The following FAM185A variants were observed in gnomAD, a reference collection of about 807,000 sequenced individuals.
The protein encoded by FAM185A is protein FAM185A.
In FAM185A, 21 loss-of-function variants were observed where a neutral mutation model predicts 45.7. The ratio of observed to expected loss-of-function variants is 0.46; its 90% CI spans 0.33 to 0.66. The LOEUF (loss-of-function observed/expected upper bound fraction) is 0.66, where lower values mean the gene tolerates loss of function less well. FAM185A is among the 30% of genes least tolerant of loss of function. The pLI, the probability that FAM185A is intolerant of heterozygous loss-of-function variation, is 0.03. For synonymous variants in FAM185A, 117 were observed against 194.0 expected (o/e 0.60, Z 3.30); for missense variants, 305 against 485.4 (o/e 0.63, Z 3.49).
intron 4 of FAM185A, among the ~76,000 whole-genome samples, chr7:102,769,726 G>C (rs1164633114): frequency 1.3e-5 from 2 of 151,948 alleles, no homozygotes; most frequent in Non-Finnish European, 2.9e-5. Flanking sequence ...CTGAGGTCTA[G>C]GAGCCGCATC....
the FAM185A span, among the ~76,000 whole-genome samples, chr7:102,835,236 T>C: frequency 6.6e-6 from 1 of 152,188 alleles, no homozygotes; most frequent in African/African-American, 2.4e-5. Context: ...GTCTGTCTTG[T>C]CTGGCAACTA....
chr7:102,833,601 T>TC, the FAM185A span, among the ~76,000 whole-genome samples: 1 of 151,618 alleles, frequency 6.6e-6, no homozygotes, highest in Non-Finnish European at 1.5e-5. Flanking sequence ...TAATTCTTTT[T>TC]TTTTTTTTTT....
chr7:102,752,006 A>G, intron 2 of FAM185A, among the ~76,000 whole-genome samples: 1 of 151,750 alleles, frequency 6.6e-6, no homozygotes, highest in East Asian at 1.9e-4. Flanking sequence ...TTTGCCTCAA[A>G]TTTCTTTTGG....
chr7:102,806,815 GGA>G, intron 7 of FAM185A, among the ~76,000 whole-genome samples: 1 of 152,296 alleles, frequency 6.6e-6, no homozygotes, highest in East Asian at 1.9e-4. Context: ...TGCAGGGCAG[GGA>G]GAGGTCGCAC....
Position 102,749,024 on chromosome 7 carries a change from C to G in FAM185A, c.-184C>G, listed in dbSNP as rs1357445745. The G allele has an allele frequency of 2.1e-6, 2 of 942,694 alleles. No individual in the cohort carries two copies. The highest frequency in any genetic ancestry group is 2.8e-5 in the South Asian group (2 of 71,314). 58.4% of individuals were successfully genotyped at this position (942,694 alleles called of 1,614,324 possible). A position where few individuals can be genotyped will look rare whatever the true frequency, so the allele number is the denominator to read the frequency against. On this transcript the variant is annotated 5_prime_UTR_variant, in exon 1 of 8. Coordinates refer to ENST00000413034, the MANE Select transcript of FAM185A (RefSeq NM_001145268.2). ...AGAGCTTTCAAATCCCAACTTGCCC[C>G]TGGGGATTGCGCGGCTGATGTTTAG...
At chr7:102,771,884 T>C (rs1476105019) in intron 4 of FAM185A, among the ~76,000 whole-genome samples, 2 of 152,196 alleles carry the variant, frequency 1.3e-5, no homozygotes, top group Non-Finnish European at 2.9e-5. Flanking sequence ...TGTTCTGTTT[T>C]GTTAGTCATA....
chr7:102,796,650 G>T (rs1486876574), intron 7 of FAM185A, among the ~76,000 whole-genome samples: 1 of 152,176 alleles, frequency 6.6e-6, no homozygotes, highest in Non-Finnish European at 1.5e-5. Flanking sequence ...TTTTGCAGAG[G>T]TGGTTTCAAT....
chr7:102,807,498 A>G (rs1425255587), intron 7 of FAM185A, among the ~76,000 whole-genome samples: 1 of 152,164 alleles, frequency 6.6e-6, no homozygotes, highest in Non-Finnish European at 1.5e-5. Context: ...TTTGGATGTC[A>G]GATCTTCAGA....
At position 102,749,320 on chromosome 7, in the gene FAM185A, C is replaced by G; in HGVS notation, c.113C>G (p.Pro38Arg). The G allele has an allele frequency of 2.3e-5, 35 of 1,549,688 alleles. No homozygotes were observed. Among genetic ancestry groups the G allele is most frequent in the Non-Finnish European group, 3.1e-5 (35 of 1,146,752 alleles). ...GCTTGCTGGGCTTGCCAAGCCAGGC[C>G]GTACAGCTCAGGTGGGAGCGAGCGC... The part of the protein sequence containing the change: ...RWACWACQAR[P>R]YSSGGSERWP... The change falls in exon 1 of 8, where the codon CCG (proline) becomes CGG (arginine). Residue 38 changes from proline (P) to arginine (R), a missense_variant. This residue lies in a region of FAM185A where 174 missense variants were observed against 247.1 expected (regional missense o/e 0.70). Transcript: ENST00000413034.
At chr7:102,785,581 A>G (rs1795736511) in intron 6 of FAM185A, among the ~76,000 whole-genome samples, 3 of 151,532 alleles carry the variant, frequency 2.0e-5, no homozygotes, top group Non-Finnish European at 3.0e-5. Context: ...CAATGGGGAA[A>G]GGATTCCCTA....
chr7:102,762,523 C>G (rs952407914), intron 4 of FAM185A, among the ~76,000 whole-genome samples: 1 of 152,118 alleles, frequency 6.6e-6, no homozygotes, highest in Admixed American at 6.5e-5. Context: ...ATAGTCCACT[C>G]ATTTCACCTC....
downstream of FAM185A, among the ~76,000 whole-genome samples, chr7:102,812,840 C>CTTTT (rs908090315): frequency 6.5e-5 from 8 of 122,546 alleles, no homozygotes; most frequent in African/African-American, 9.0e-5. Flanking sequence ...GATTTGGCTT[C>CTTTT]TTTTTTTTTT....
chr7:102,799,023 C>T (rs1380294596), intron 7 of FAM185A, among the ~76,000 whole-genome samples: 5 of 152,360 alleles, frequency 3.3e-5, no homozygotes, highest in African/African-American at 9.6e-5. Context: ...GCTGGGATTA[C>T]AGGCGTGAGC....
At chr7:102,808,218 A>G (rs1277659592) in intron 7 of FAM185A, 72 bp from the exon 8 acceptor site, 3 of 984,026 alleles carry the variant, frequency 3.0e-6, no homozygotes, top group African/African-American at 1.6e-5. Context: ...TTTCAGTTTC[A>G]GAGATGTGTT....
chr7:102,777,600 T>C (rs879896791), intron 6 of FAM185A, among the ~76,000 whole-genome samples: 2 of 151,980 alleles, frequency 1.3e-5, no homozygotes, highest in African/African-American at 2.4e-5. Flanking sequence ...TTGACTGTTA[T>C]TATGGAATTT....
the FAM185A span, among the ~76,000 whole-genome samples, chr7:102,843,728 A>T: frequency 6.6e-6 from 1 of 152,182 alleles, no homozygotes; most frequent in East Asian, 1.9e-4. Flanking sequence ...ATGAGCCAAG[A>T]TCGCGCCACT....
At chr7:102,848,759 C>G in the FAM185A span, among the ~76,000 whole-genome samples, 10 of 151,996 alleles carry the variant, frequency 6.6e-5, no homozygotes, top group East Asian at 1.9e-3. Flanking sequence ...TTTGGGAGGC[C>G]AAGGCAGGTG....
At chr7:102,777,133 T>C in intron 5 of FAM185A, 120 bp from the exon 6 acceptor site, 2 of 1,069,034 alleles carry the variant, frequency 1.9e-6, no homozygotes, top group Non-Finnish European at 2.7e-6. Context: ...AGGAAAATAC[T>C]AAACCTTGCA....
the FAM185A span, among the ~76,000 whole-genome samples, chr7:102,836,678 C>T: frequency 2.0e-5 from 3 of 152,200 alleles, no homozygotes; most frequent in African/African-American, 4.8e-5. Flanking sequence ...TATCTCTTAG[C>T]GAGTTAGATC....
Sources: gnomAD v4.1 joint callset for allele counts (sites outside exome capture counted in the v4.1 genomes callset) on GRCh38, gnomAD v4.1.1 for gene constraint, gnomAD v4.1.1 regional missense constraint, MANE v1.5 for transcripts, NCBI Gene and HGNC (gene_info 2026-07-23, HGNC 2026-07-21) for gene names.